Variants in CEP350 observed in about 807,000 individuals in gnomAD.
The protein encoded by CEP350 is centrosome-associated protein 350.
Under a neutral mutation model 331.8 loss-of-function variants are expected in CEP350, and 126 were observed. The observed-to-expected ratio is 0.38, with a 90% confidence interval of 0.33 to 0.44. The LOEUF is 0.44. Among genes scored for constraint, CEP350 ranks in the 20% least tolerant of loss-of-function variants. The probability of loss-of-function intolerance (pLI) is 1.00; values close to 1 mark genes in which losing one functional copy is unlikely to be tolerated. For synonymous variants in CEP350, 1,200 were observed against 1,259.5 expected (o/e 0.95, Z 1.00); for missense variants, 3,406 against 3,634.6 (o/e 0.94, Z 1.62).
At chr1:180,034,773 C>A (rs922180651) in intron 16 of CEP350, among the ~76,000 whole-genome samples, 1 of 152,060 alleles carries the variant, frequency 6.6e-6, no homozygotes, top group African/African-American at 2.4e-5. Context: ...CACCCCGTTC[C>A]CCTCTTCAAC....
chr1:180,089,540 G>A (rs796506303), intron 32 of CEP350, among the ~76,000 whole-genome samples: 27 of 148,994 alleles, frequency 1.8e-4, no homozygotes, highest in African/African-American at 6.5e-4. Flanking sequence ...CCGAGATCAC[G>A]CCATTGCACC....
intron 32 of CEP350, 28 bp from the exon 33 acceptor site, chr1:180,090,686 T>C (rs1345149800): frequency 1.3e-6 from 2 of 1,530,396 alleles, no homozygotes; most frequent in African/African-American, 1.4e-5. Flanking sequence ...AATATGTTTA[T>C]TTCTGCTCAT....
rs202039987 is a variant in CEP350 at position 180,065,184 on chromosome 1, C to T, written c.5479C>T (p.Arg1827Cys). 241 of 1,613,530 alleles carry T rather than the reference C, an allele frequency of 1.5e-4. No homozygotes were observed. Among genetic ancestry groups the T allele is most frequent in the Non-Finnish European group, 1.9e-4 (228 of 1,179,778 alleles). ...TCCTGGTCCAACTGACTTGGAGACC[C>T]GCAGTCCTTCTCCCATTTCAATCTC... Reference protein sequence around the residue: ...TSPGPTDLETRSPSPISISSS... With the variant: ...TSPGPTDLETCSPSPISISSS... The change falls in exon 27 of 38, where the codon CGC becomes TGC. Residue 1827 changes from arginine to cysteine, a missense_variant. Coordinates refer to ENST00000367607, the MANE Select transcript of CEP350 (RefSeq NM_014810.5).
At chr1:180,049,139 A>C (rs1206404106) in intron 22 of CEP350, among the ~76,000 whole-genome samples, 1 of 152,218 alleles carries the variant, frequency 6.6e-6, no homozygotes, top group Non-Finnish European at 1.5e-5. Context: ...GAATGTAGAC[A>C]TTAAAAGTGA....
At chr1:179,977,950 TA>T (rs1366699196) in intron 1 of CEP350, among the ~76,000 whole-genome samples, 8 of 150,310 alleles carry the variant, frequency 5.3e-5, no homozygotes, top group Non-Finnish European at 1.0e-4. Flanking sequence ...TTTTTATCTA[TA>T]AAAATATATT....
At chr1:179,980,621 G>T (rs1384950381) in intron 1 of CEP350, among the ~76,000 whole-genome samples, 1 of 152,030 alleles carries the variant, frequency 6.6e-6, no homozygotes, top group Admixed American at 6.6e-5. Flanking sequence ...TCTTGTTTCA[G>T]ATCTTAGAGG....
At chr1:179,980,459 C>T (rs1159846542) in intron 1 of CEP350, among the ~76,000 whole-genome samples, 1 of 151,492 alleles carries the variant, frequency 6.6e-6, no homozygotes, top group Non-Finnish European at 1.5e-5. Context: ...TTTGGGATTT[C>T]CTATATGTAT....
chr1:180,036,180 C>T (rs1053901975), intron 16 of CEP350, among the ~76,000 whole-genome samples: 7 of 152,190 alleles, frequency 4.6e-5, no homozygotes, highest in Admixed American at 4.6e-4. Flanking sequence ...GCTGCAGTCT[C>T]ATGACAAAAG....
chr1:179,962,574 T>C (rs1650714862), intron 1 of CEP350, among the ~76,000 whole-genome samples: 1 of 152,062 alleles, frequency 6.6e-6, no homozygotes, highest in Non-Finnish European at 1.5e-5. Flanking sequence ...CATGCCTGGC[T>C]GATTTTTGTA....
At chr1:179,956,807 G>A (rs191381901) in intron 1 of CEP350, among the ~76,000 whole-genome samples, 242 of 151,098 alleles carry the variant, frequency 1.6e-3, no homozygotes, top group Non-Finnish European at 3.0e-3. Flanking sequence ...TTTTGCAGTC[G>A]TGGAAACTGA....
chr1:180,078,801 A>G (rs1659391720), intron 29 of CEP350, 127 bp downstream of exon 29: 3 of 742,168 alleles, frequency 4.0e-6, no homozygotes, highest in Non-Finnish European at 6.3e-6. Context: ...ATAGGATATA[A>G]CATTTGAATA....
At chr1:180,037,709 GCA>G (rs1464600799) in intron 17 of CEP350, among the ~76,000 whole-genome samples, 2 of 152,030 alleles carry the variant, frequency 1.3e-5, no homozygotes, top group Non-Finnish European at 2.9e-5. Flanking sequence ...GAGTGCAGTG[GCA>G]CGATCTCGGC....
chr1:179,976,281 A>G (rs1031378545), intron 1 of CEP350, among the ~76,000 whole-genome samples: 1 of 152,308 alleles, frequency 6.6e-6, no homozygotes, highest in Non-Finnish European at 1.5e-5. Flanking sequence ...TTTAAAAAAC[A>G]TAGACTTTTT....
chr1:180,081,442 T>G (rs74768092), intron 30 of CEP350, among the ~76,000 whole-genome samples: 1,561 of 152,344 alleles, frequency 0.01, 29 homozygotes, highest in African/African-American at 0.033. Flanking sequence ...TAGATTTTCT[T>G]AAATATTTCA....
intron 27 of CEP350, chr1:180,073,702 T>A: frequency 9.2e-7 from 1 of 1,083,612 alleles, no homozygotes; most frequent in South Asian, 1.5e-5. Context: ...TTAAAAGTTC[T>A]TCACTCAGCT....
Position 180,020,050 on chromosome 1 carries a change from T to G in CEP350, c.2276T>G (p.Leu759Arg). Residue 759 changes from leucine to arginine, a missense_variant, in exon 12 of 38, where the codon CTC becomes CGC. Coordinates refer to ENST00000367607, the MANE Select transcript of CEP350 (RefSeq NM_014810.5). ...TTTGCTGGAACAGCTGGAAGTTTAC[T>G]CTCCCATCTCTTGAGTTTAGAGCAT... is the stretch of plus-strand genomic sequence containing the variant. ...QPFAGTAGSL[L>R]SHLLSLEHVG... The G allele has an allele frequency of 1.9e-6, 3 of 1,614,056 alleles. No homozygotes were observed. The highest frequency in any genetic ancestry group is 2.5e-6 in the Non-Finnish European group (3 of 1,179,898).
chr1:180,090,343 G>C (rs1037146965), intron 32 of CEP350, among the ~76,000 whole-genome samples: 1 of 151,324 alleles, frequency 6.6e-6, no homozygotes, highest in Non-Finnish European at 1.5e-5. Context: ...TCAGGAGATC[G>C]AGACCATCCT....
intron 25 of CEP350, among the ~76,000 whole-genome samples, chr1:180,056,139 A>C (rs1657826575): frequency 2.0e-5 from 3 of 152,030 alleles, no homozygotes; most frequent in Admixed American, 2.0e-4. Context: ...GATTAGTTTG[A>C]AAATGTATTT....
chr1:180,106,805 G>A (rs1661171632), intron 37 of CEP350, among the ~76,000 whole-genome samples: 1 of 146,464 alleles, frequency 6.8e-6, no homozygotes, highest in South Asian at 2.2e-4. Flanking sequence ...TACAGTTTAT[G>A]ATTTTTTTTT....
Sources: gnomAD v4.1 joint callset for allele counts (sites outside exome capture counted in the v4.1 genomes callset) on GRCh38, gnomAD v4.1.1 for gene constraint, MANE v1.5 for transcripts, NCBI Gene and HGNC (gene_info 2026-07-23, HGNC 2026-07-21) for gene names.